Variants in FSHR observed in about 807,000 individuals in gnomAD.
FSHR encodes follicle stimulating hormone receptor.
A neutral mutation model predicts 52.1 loss-of-function variants in FSHR; 46 were observed. The ratio of observed to expected loss-of-function variants is 0.88; its 90% CI spans 0.70 to 1.13. The LOEUF (loss-of-function observed/expected upper bound fraction) is 1.13. Among genes scored for constraint, FSHR ranks in the 50% most tolerant of loss-of-function variants. The pLI, the probability that FSHR is intolerant of heterozygous loss-of-function variation, is 0.00. For synonymous variants in FSHR, 399 were observed against 309.6 expected (o/e 1.29, Z -3.03); for missense variants, 964 against 834.6 (o/e 1.16, Z -1.91).
At chr2:48,976,196 G>A (rs1390882224) in intron 8 of FSHR, among the ~76,000 whole-genome samples, 1 of 152,192 alleles carries the variant, frequency 6.6e-6, no homozygotes, top group East Asian at 1.9e-4. Context: ...TTAGCATGAA[G>A]TGGTGTTGAA....
intron 4 of FSHR, chr2:49,014,696 C>A: frequency 4.0e-6 from 1 of 249,160 alleles, no homozygotes; most frequent in Non-Finnish European, 8.1e-6. Flanking sequence ...TTCTCATTTA[C>A]CTGTTTCCAA....
intron 1 of FSHR, among the ~76,000 whole-genome samples, chr2:49,096,114 A>G (rs1670814137): frequency 6.6e-6 from 1 of 152,202 alleles, no homozygotes; most frequent in African/African-American, 2.4e-5. Flanking sequence ...TACTACTCAT[A>G]TGTATTTATT....
At chr2:49,104,873 G>T (rs1278512525) in intron 1 of FSHR, among the ~76,000 whole-genome samples, 1 of 141,652 alleles carries the variant, frequency 7.1e-6, no homozygotes, top group African/African-American at 2.5e-5. Context: ...AGGGGGGGCG[G>T]GCACAGAACT....
At position 48,962,728 on chromosome 2, in the gene FSHR, G is replaced by C; in HGVS notation, c.*5C>G. 1 of 1,612,288 alleles carries C rather than the reference G, an allele frequency of 6.2e-7. No individual in the cohort carries two copies. Among genetic ancestry groups the C allele is most frequent in the Non-Finnish European group, 8.5e-7 (1 of 1,178,366 alleles). On this transcript the variant is annotated 3_prime_UTR_variant, in exon 10 of 10. Transcript: ENST00000406846. ...CAATACTCAGATACATTTTCACATT[G>C]TGTTTTAGTTTTGGGCTAAATGACT...
chr2:49,022,875 C>T (rs1667785593), intron 2 of FSHR, among the ~76,000 whole-genome samples: 1 of 152,160 alleles, frequency 6.6e-6, no homozygotes, highest in Admixed American at 6.5e-5. Context: ...TAGGACAGCG[C>T]TTCTCAAATG....
intron 2 of FSHR, among the ~76,000 whole-genome samples, chr2:49,052,546 A>G (rs527512067): frequency 1.3e-5 from 2 of 152,220 alleles, no homozygotes; most frequent in Non-Finnish European, 2.9e-5. Context: ...TTGGGTGTGT[A>G]CATTATTTTT....
At chr2:49,142,726 C>T (rs943113067) in intron 1 of FSHR, among the ~76,000 whole-genome samples, 1 of 152,104 alleles carries the variant, frequency 6.6e-6, no homozygotes, top group Non-Finnish European at 1.5e-5. Flanking sequence ...GGGGACATTG[C>T]AGTAGCCCAG....
chr2:49,111,943 C>G (rs1240897847), intron 1 of FSHR, among the ~76,000 whole-genome samples: 2 of 152,168 alleles, frequency 1.3e-5, no homozygotes, highest in Admixed American at 1.3e-4. Context: ...GGAAGTAGGG[C>G]TGACAATATT....
At chr2:49,078,891 A>T (rs1235290558) in intron 1 of FSHR, among the ~76,000 whole-genome samples, 1 of 152,172 alleles carries the variant, frequency 6.6e-6, no homozygotes, top group Non-Finnish European at 1.5e-5. Context: ...AAAGAAAAAG[A>T]TACGTCATAA....
Position 48,987,354 on chromosome 2 carries a change from C to T in FSHR, c.524+1623G>A, listed in dbSNP as rs371220653. 3.3e-5 allele frequency among the ~76,000 whole-genome samples: 5 copies of T among 152,000 alleles called. No individual in the cohort carries two copies. The East Asian group carries it at 9.7e-4, about 29-fold the overall frequency. ...GAGTAGAGGGGATTACAGATGCCTG[C>T]CACCATGCCCAGCTAATTTTTTTTT... On this transcript the variant is annotated intron_variant, in intron 6 of 9. Coordinates refer to ENST00000406846, the MANE Select transcript of FSHR (RefSeq NM_000145.4).
chr2:48,975,011 A>C (rs1453550019), intron 8 of FSHR, among the ~76,000 whole-genome samples: 1 of 152,210 alleles, frequency 6.6e-6, no homozygotes, highest in Non-Finnish European at 1.5e-5. Flanking sequence ...TAACAAAAAA[A>C]GACATCAGTT....
intron 1 of FSHR, among the ~76,000 whole-genome samples, chr2:49,132,665 G>A (rs1672324826): frequency 6.6e-6 from 1 of 151,962 alleles, no homozygotes; most frequent in African/African-American, 2.4e-5. Context: ...CTCCTGGCTT[G>A]CCCAACTGTT....
intron 1 of FSHR, among the ~76,000 whole-genome samples, chr2:49,078,723 A>T (rs935635231): frequency 1.3e-5 from 2 of 152,140 alleles, no homozygotes; most frequent in African/African-American, 4.8e-5. Context: ...AAAAATTCTT[A>T]ATCTGATAAG....
chr2:49,039,056 T>C (rs978326477), intron 2 of FSHR, among the ~76,000 whole-genome samples: 1 of 152,212 alleles, frequency 6.6e-6, no homozygotes, highest in African/African-American at 2.4e-5. Flanking sequence ...TGAGGCCCTG[T>C]ACATGTCCTA....
intron 4 of FSHR, among the ~76,000 whole-genome samples, chr2:49,002,659 C>G (rs897617676): frequency 6.6e-6 from 1 of 152,014 alleles, no homozygotes; most frequent in Non-Finnish European, 1.5e-5. Flanking sequence ...TAGCAGCCCC[C>G]ATGATTCAAC....
At position 48,963,602 on chromosome 2, in the gene FSHR, C is replaced by T; in HGVS notation, c.1219G>A (p.Ala407Thr). Residue 407 changes from alanine to threonine, a missense_variant, in exon 10 of 10, where the codon GCT becomes ACT. Transcript: ENST00000406846. ...AGGTAGATTCCAATGCAGAGATCAG[C>T]AAAGGCCAGGTTGCACATAAGGAAC... ...PRFLMCNLAF[A>T]DLCIGIYLLL... The T allele has an allele frequency of 6.2e-7, 1 of 1,614,138 alleles. No homozygotes were observed. Among genetic ancestry groups the T allele is most frequent in the Non-Finnish European group, 8.5e-7 (1 of 1,180,008 alleles).
At chr2:49,074,663 A>C (rs2103636539) in intron 1 of FSHR, among the ~76,000 whole-genome samples, 1 of 152,246 alleles carries the variant, frequency 6.6e-6, no homozygotes, top group South Asian at 2.1e-4. Flanking sequence ...CAGCAATCCT[A>C]CTACTTAGAA....
At chr2:49,096,442 A>T (rs1417906570) in intron 1 of FSHR, among the ~76,000 whole-genome samples, 1 of 152,236 alleles carries the variant, frequency 6.6e-6, no homozygotes, top group Non-Finnish European at 1.5e-5. Flanking sequence ...ACTGGTTGCC[A>T]TTGGCTAGGG....
intron 8 of FSHR, among the ~76,000 whole-genome samples, chr2:48,982,283 G>A (rs753738985): frequency 2.6e-5 from 4 of 152,102 alleles, no homozygotes; most frequent in African/African-American, 7.2e-5. Flanking sequence ...AGTCACTTTT[G>A]GAGGGAAAGA....
Sources: allele counts gnomAD v4.1 joint callset (sites outside exome capture counted in the v4.1 genomes callset), GRCh38; gene constraint gnomAD v4.1.1; transcripts MANE v1.5; gene names NCBI Gene and HGNC (gene_info 2026-07-23, HGNC 2026-07-21).